The following LRRC66 variants were observed in gnomAD, a reference collection of about 807,000 sequenced individuals.
LRRC66 encodes leucine rich repeat containing 66.
Under a neutral mutation model 24.6 loss-of-function variants are expected in LRRC66, and 29 were observed. The observed-to-expected ratio is 1.18, with a 90% CI of 0.88 to 1.61. The LOEUF (loss-of-function observed/expected upper bound fraction) is 1.61. Ranked by LOEUF, LRRC66 falls within the 40% of genes most tolerant of loss-of-function variation. The pLI is 0.00. For missense variants in LRRC66, 1,124 were observed against 1,058.0 expected, an observed-to-expected ratio of 1.06 and a Z score of -0.87; for synonymous variants, 411 against 397.6, an observed-to-expected ratio of 1.03 and a Z score of -0.40.
rs754589454 is a variant in LRRC66, at chr4:51,996,144, C to G, written c.878G>C (p.Gly293Ala). ...CCTGGAAATCCTGCTCTGGGGAGTG[C>G]CCCCGTTGGCCTCCTCACTCCCTGC... Reference protein sequence around the residue: ...RSIGSEEANGGTPQSRISRET... With the variant: ...RSIGSEEANGATPQSRISRET... The change falls in exon 5 of 5, where the codon GGC becomes GCC. Residue 293 changes from glycine (G) to alanine (A), a missense_variant. Gly to Ala is a moderately conservative substitution (Grantham distance 60). Coordinates refer to ENST00000682860, the MANE Select transcript of LRRC66 (RefSeq NM_001024611.3). 7.5e-6 allele frequency: 12 copies of G among 1,610,390 alleles called. No individual in the cohort carries two copies. In the East Asian group the frequency reaches 2.7e-4, roughly 36 times the overall value.
chr4:51,994,158 T>C lies in LRRC66; in HGVS notation c.*221A>G. On this transcript the variant is annotated 3_prime_UTR_variant, in exon 5 of 5. Coordinates refer to ENST00000682860, the MANE Select transcript of LRRC66 (RefSeq NM_001024611.3). Reference sequence around the variant, plus strand: ...TTTCTCTTTCACACTGAAGAGCAGGTTCATCCCCATAGGATGTTAACAAGT... The same window carrying C: ...TTTCTCTTTCACACTGAAGAGCAGGCTCATCCCCATAGGATGTTAACAAGT... The C allele has an allele frequency of 5.9e-6, 3 of 510,540 alleles. No homozygotes were observed. The highest frequency in any genetic ancestry group is 1.0e-5 in the Non-Finnish European group (3 of 293,076). The allele number at this position is 510,540 out of a possible 1,614,324, so 31.6% of individuals were successfully genotyped here.
chr4:51,997,749 T>C lies in LRRC66; in HGVS notation c.855A>G (p.Ile285Met). The part of the protein sequence containing the change: ...KKWNVICNRS[I>M]GSEEANGGTP... ...TTCAGAGAGACATTACTGACTTACC[T>C]ATAGACCTGTTGCAAATGACATTCC... Residue 285 changes from isoleucine (I) to methionine (M), a missense_variant and splice_region_variant, in exon 4 of 5, where the codon ATA (isoleucine) becomes ATG (methionine). By Grantham distance (10) the Ile-to-Met change is conservative. Coordinates refer to ENST00000682860, the MANE Select transcript of LRRC66 (RefSeq NM_001024611.3). The C allele has an allele frequency of 1.2e-6, 2 of 1,613,602 alleles. No individual in the cohort carries two copies. Among genetic ancestry groups the C allele is most frequent in the Admixed American group, 1.7e-5 (1 of 60,020 alleles).
intron 2 of LRRC66, among the ~76,000 whole-genome samples, chr4:52,004,978 TCATCACATGGAC>T (rs1411565103): frequency 1.3e-5 from 2 of 152,228 alleles, no homozygotes; most frequent in Non-Finnish European, 2.9e-5. Flanking sequence ...ACAGAGTAGT[TCATCACATGGAC>T]CATCCAACCA....
At chr4:51,997,101 TTTTC>T (rs1271452945) in intron 4 of LRRC66, among the ~76,000 whole-genome samples, 2 of 152,114 alleles carry the variant, frequency 1.3e-5, no homozygotes, top group African/African-American at 4.8e-5. Flanking sequence ...TTCATGGACT[TTTTC>T]TTTTTCTAGA....
In LRRC66 at chr4:52,007,482, A is replaced by G. The variant is rs530949170; in HGVS notation, c.497-4090T>C. 2.0e-5 allele frequency among the ~76,000 whole-genome samples: 3 copies of G among 152,250 alleles called. No homozygotes were observed. The East Asian group carries it at 5.8e-4, about 29-fold the overall frequency. On this transcript the variant is annotated intron_variant, in intron 2 of 4. Transcript: ENST00000682860. ...ATTACAGGTGTGAACCACTGCTCCC[A>G]GCCCTGTTTGTGACTTTTGATGTGA...
chr4:51,998,174 T>C (rs559642504), intron 3 of LRRC66, among the ~76,000 whole-genome samples: 1 of 152,326 alleles, frequency 6.6e-6, no homozygotes, highest in African/African-American at 2.4e-5. Flanking sequence ...GCTGGAAGCA[T>C]TAACTGTATG....
chr4:52,018,474 C>T, intron 1 of LRRC66: 1 of 985,332 alleles, frequency 1.0e-6, no homozygotes, highest in Non-Finnish European at 1.2e-6. Context: ...TATGAGTTTC[C>T]AAGAAATTGT....
intron 2 of LRRC66, among the ~76,000 whole-genome samples, chr4:52,005,335 A>C (rs1240055079): frequency 1.3e-5 from 2 of 152,138 alleles, no homozygotes; most frequent in Non-Finnish European, 2.9e-5. Flanking sequence ...TCATGTCTCT[A>C]TCAAAAACAA....
rs189430498 is a variant in LRRC66, at chr4:51,998,083, T to C, written c.667-146A>G. 61 of 695,888 alleles carry C rather than the reference T, an allele frequency of 8.8e-5. No homozygotes were observed. The East Asian group carries it at 1.6e-3, about 19-fold the overall frequency. 43.1% of individuals were successfully genotyped at this position (695,888 alleles called of 1,614,324 possible). On this transcript the variant is annotated intron_variant, in intron 3 of 4. Coordinates refer to ENST00000682860, the MANE Select transcript of LRRC66 (RefSeq NM_001024611.3). ...TTTACAAGTCAGGGAATTAGTGGGGTTTTAAGTCTCTGTTCTACCCCTAAA... is the reference window on the plus strand; with the variant it reads ...TTTACAAGTCAGGGAATTAGTGGGGCTTTAAGTCTCTGTTCTACCCCTAAA...
rs546600471 is a variant in LRRC66 at position 52,011,142 on chromosome 4, C to A, written c.496+5976G>T. Among the ~76,000 whole-genome samples, 307 of 152,258 alleles carry A rather than the reference C, an allele frequency of 2.0e-3. 1 individual carries two copies. The highest frequency in any genetic ancestry group is 7.1e-3 in the African/African-American group (293 of 41,554). ...GTAAATACTCCCTCTGTACTATGAA[C>A]TTCTTAAGTGCTCTCCCAAGTATGA... On this transcript the variant is annotated intron_variant, in intron 2 of 4. Transcript: ENST00000682860.
rs1444254222 is a variant in LRRC66, at chr4:51,996,141, G to A, written c.881C>T (p.Thr294Ile). 3.1e-6 allele frequency: 5 copies of A among 1,611,838 alleles called. No individual in the cohort carries two copies. The South Asian group carries it at 3.3e-5, about 11-fold the overall frequency. Residue 294 changes from threonine (T) to isoleucine (I), a missense_variant, in exon 5 of 5, where the codon ACT becomes ATT. Physicochemically the swap from Thr to Ile is moderately conservative, Grantham distance 89 (BLOSUM62 -1). Transcript: ENST00000682860. ...TTCCCTGGAAATCCTGCTCTGGGGA[G>A]TGCCCCCGTTGGCCTCCTCACTCCC... The part of the protein sequence containing the change: ...SIGSEEANGG[T>I]PQSRISRETR...
At chr4:52,006,484 A>T (rs1425508998) in intron 2 of LRRC66, among the ~76,000 whole-genome samples, 1 of 144,474 alleles carries the variant, frequency 6.9e-6, no homozygotes, top group African/African-American at 2.5e-5. Flanking sequence ...TCTCACTCAT[A>T]GGTGGGAACT....
chr4:51,994,275 G>A lies in LRRC66; in HGVS notation c.*104C>T. On this transcript the variant is annotated 3_prime_UTR_variant, in exon 5 of 5. Coordinates refer to ENST00000682860, the MANE Select transcript of LRRC66 (RefSeq NM_001024611.3). The stretch of plus-strand genomic sequence containing the variant: ...CAGTGTCCACTTGGTTGGAATTCAT[G>A]TTGTCTCCTTCAGGATCTTGTTGTG... 3 of 1,111,876 alleles carry A rather than the reference G, an allele frequency of 2.7e-6. No homozygotes were observed. Among genetic ancestry groups the A allele is most frequent in the Non-Finnish European group, 3.8e-6 (3 of 796,266 alleles). The allele number at this position is 1,111,876 out of a possible 1,614,324, so 68.9% of individuals were successfully genotyped here.
chr4:51,995,999 G>T lies in LRRC66; in HGVS notation c.1023C>A (p.Ala341=), dbSNP rs932142959. The T allele has an allele frequency of 6.2e-7, 1 of 1,613,846 alleles. No homozygotes were observed. Among genetic ancestry groups the T allele is most frequent in the Admixed American group, 1.7e-5 (1 of 60,000 alleles). The change falls in exon 5 of 5, where the codon GCC becomes GCA. Residue 341 remains alanine, a synonymous_variant. Transcript: ENST00000682860. ...TCTGCTTCTTCCTGAGACCAGAGCCGGCCTTTGCCTTCTTCCCCAGAGTAG... is the reference window on the plus strand; with the variant it reads ...TCTGCTTCTTCCTGAGACCAGAGCCTGCCTTTGCCTTCTTCCCCAGAGTAG... ...GISTLGKKAK[A]GSGLRKKQRR... is the part of the protein sequence containing the mutation.
chr4:52,004,046 A>C lies in LRRC66; in HGVS notation c.497-654T>G, dbSNP rs576597915. Among the ~76,000 whole-genome samples, 15 of 152,228 alleles carry C rather than the reference A, an allele frequency of 9.9e-5. No homozygotes were observed. In the South Asian group the frequency reaches 2.3e-3, roughly 23 times the overall value. On this transcript the variant is annotated intron_variant, in intron 2 of 4. Coordinates refer to ENST00000682860, the MANE Select transcript of LRRC66 (RefSeq NM_001024611.3). Reference sequence around the variant, plus strand: ...GAGACAGAGTCTCGCTCTGTCACCCAGGCTGGAGTGCAGTGGTACAATCCC... The same window carrying C: ...GAGACAGAGTCTCGCTCTGTCACCCCGGCTGGAGTGCAGTGGTACAATCCC...
In LRRC66 at chr4:51,994,291, T is replaced by G; in HGVS notation, c.*88A>C. Reference sequence around the variant, plus strand: ...GGAATTCATGTTGTCTCCTTCAGGATCTTGTTGTGAAGGCTTTAGTTTTCC... The same window carrying G: ...GGAATTCATGTTGTCTCCTTCAGGAGCTTGTTGTGAAGGCTTTAGTTTTCC... On this transcript the variant is annotated 3_prime_UTR_variant, in exon 5 of 5. Coordinates refer to ENST00000682860, the MANE Select transcript of LRRC66 (RefSeq NM_001024611.3). 8.0e-7 allele frequency: 1 copy of G among 1,248,862 alleles called. No individual in the cohort carries two copies. Among genetic ancestry groups the G allele is most frequent in the Non-Finnish European group, 1.1e-6 (1 of 911,530 alleles). The allele number at this position is 1,248,862 out of a possible 1,614,324, so 77.4% of individuals were successfully genotyped here.
chr4:51,998,074 T>C, intron 3 of LRRC66, 137 bp from the exon 4 acceptor site: 4 of 731,004 alleles, frequency 5.5e-6, no homozygotes, highest in Non-Finnish European at 9.0e-6. Flanking sequence ...AGTCAGGGAA[T>C]TAGTGGGGTT....
intron 2 of LRRC66, among the ~76,000 whole-genome samples, chr4:52,004,175 T>A (rs1359967000): frequency 6.6e-6 from 1 of 152,052 alleles, no homozygotes; most frequent in Admixed American, 6.6e-5. Flanking sequence ...GCTAATTTCT[T>A]TTTTTGTATT....
Position 51,995,666 on chromosome 4 carries a change from G to T in LRRC66, c.1356C>A (p.Tyr452Ter), listed in dbSNP as rs763973395. Residue 452 changes from tyrosine to a stop codon, truncating the protein, a stop_gained, in exon 5 of 5, where the codon TAC becomes TAA. Transcript: ENST00000682860. LOFTEE classifies it low-confidence loss of function (END_TRUNC). ...LRQVFPHLSL[Y>*]ENQTPFWVTQ... ...TCACCCAGAAAGGGGTCTGGTTCTC[G>T]TAGAGGCTTAGATGAGGAAATACTT... The T allele has an allele frequency of 1.2e-6, 2 of 1,613,996 alleles. No individual in the cohort carries two copies. Among genetic ancestry groups the T allele is most frequent in the Non-Finnish European group, 1.7e-6 (2 of 1,180,034 alleles).
Sources: gnomAD v4.1 joint callset for allele counts (sites outside exome capture counted in the v4.1 genomes callset) on GRCh38, gnomAD v4.1.1 for gene constraint, MANE v1.5 for transcripts, NCBI Gene and HGNC (gene_info 2026-07-23, HGNC 2026-07-21) for gene names.